The following CEP350 variants were observed in gnomAD, a reference collection of about 807,000 sequenced individuals.
CEP350 encodes centrosome-associated protein 350.
CEP350 carries 126 observed loss-of-function variants against 331.8 expected under a neutral mutation model. That is an observed-to-expected ratio of 0.38 (90% confidence interval 0.33 to 0.44). CEP350 has a LOEUF of 0.44. CEP350 is among the 20% of genes least tolerant of loss of function. The pLI, the probability that CEP350 is intolerant of heterozygous loss-of-function variation, is 1.00. For synonymous variants in CEP350, 1,200 were observed against 1,259.5 expected (o/e 0.95, Z 1.00); for missense variants, 3,406 against 3,634.6 (o/e 0.94, Z 1.62).
intron 11 of CEP350, among the ~76,000 whole-genome samples, chr1:180,017,821 A>G (rs754415598): frequency 3.9e-5 from 6 of 152,180 alleles, no homozygotes; most frequent in African/African-American, 4.8e-5. Flanking sequence ...TTCATATCTC[A>G]CCTTGAAAAC....
chr1:180,015,947 A>G lies in CEP350; in HGVS notation c.2151A>G (p.Ser717=), dbSNP rs1215970870. The change falls in exon 11 of 38, where the codon TCA becomes TCG. Residue 717 remains serine (S), a synonymous_variant. Coordinates refer to ENST00000367607, the MANE Select transcript of CEP350 (RefSeq NM_014810.5). ...CTTCCAGTAGTGACATGTCTCTCTCAGAACCTCCACAGCCTCTTGCAAGGT... is the reference window on the plus strand; with the variant it reads ...CTTCCAGTAGTGACATGTCTCTCTCGGAACCTCCACAGCCTCTTGCAAGGT... ...SASSSSDMSL[S]EPPQPLARKD... 1 of 1,613,904 alleles carries G rather than the reference A, an allele frequency of 6.2e-7. No homozygotes were observed. Among genetic ancestry groups the G allele is most frequent in the Admixed American group, 1.7e-5 (1 of 60,020 alleles).
intron 34 of CEP350, chr1:180,095,307 A>C (rs1412554439): frequency 2.2e-6 from 1 of 449,656 alleles, no homozygotes; most frequent in African/African-American, 2.0e-5. Context: ...ATTTTATAAA[A>C]ATTCAGTTAT....
rs1483349488 is a variant in CEP350 at position 180,015,951 on chromosome 1, C to T, written c.2155C>T (p.Pro719Ser). Residue 719 changes from proline to serine, a missense_variant, in exon 11 of 38, where the codon CCT becomes TCT. Around this residue, in one of 5 missense-constraint regions of CEP350, gnomAD observed 1,857 missense variants for 1,909.2 expected, o/e 0.97. Transcript: ENST00000367607. The stretch of plus-strand genomic sequence containing the variant: ...CAGTAGTGACATGTCTCTCTCAGAA[C>T]CTCCACAGCCTCTTGCAAGGTAAAA... ...SSSSDMSLSE[P>S]PQPLARKDLM... 1.9e-6 allele frequency: 3 copies of T among 1,613,670 alleles called. No homozygotes were observed. Among genetic ancestry groups the T allele is most frequent in the Non-Finnish European group, 8.5e-7 (1 of 1,179,758 alleles).
intron 10 of CEP350, 32 bp downstream of exon 10, chr1:180,014,537 A>G: frequency 6.5e-7 from 1 of 1,531,434 alleles, no homozygotes; most frequent in East Asian, 2.3e-5. Flanking sequence ...AAGGAGAGTC[A>G]TTCATGGTTA....
chr1:180,093,058 C>T lies in CEP350; in HGVS notation c.6953C>T (p.Ala2318Val). ...ENVQKDLVGL[A>V]IENLHKSEEM... ...GTTCAGAAAGACCTAGTTGGATTAG[C>T]TATTGAAAATCTCCATAAAAGTGAG... is the stretch of plus-strand genomic sequence containing the variant. The change falls in exon 34 of 38, where the codon GCT (alanine) becomes GTT (valine). Residue 2318 changes from alanine to valine, a missense_variant. Transcript: ENST00000367607. The T allele has an allele frequency of 6.2e-7, 1 of 1,606,034 alleles. No homozygotes were observed. Among genetic ancestry groups the T allele is most frequent in the Non-Finnish European group, 8.5e-7 (1 of 1,175,686 alleles).
chr1:179,996,528 C>G, intron 5 of CEP350, 25 bp from the exon 6 acceptor site: 1 of 1,486,610 alleles, frequency 6.7e-7, no homozygotes, highest in Non-Finnish European at 9.1e-7. Context: ...ATCATAGTCA[C>G]AGAGCTTATT....
chr1:180,024,371 G>A (rs1373289715), intron 13 of CEP350, 48 bp from the exon 14 acceptor site: 1 of 1,524,030 alleles, frequency 6.6e-7, no homozygotes, highest in Non-Finnish European at 8.9e-7. Context: ...ATTTAGCTGT[G>A]TTGTAAGACT....
At chr1:180,037,459 C>T (rs1435769174) in intron 17 of CEP350, among the ~76,000 whole-genome samples, 2 of 140,494 alleles carry the variant, frequency 1.4e-5, no homozygotes, top group Admixed American at 7.2e-5. Context: ...AGAGAAGTTT[C>T]TGAGATCCGG....
chr1:180,027,914 TC>T (rs1436294074), intron 14 of CEP350, among the ~76,000 whole-genome samples: 2 of 152,174 alleles, frequency 1.3e-5, no homozygotes, highest in East Asian at 3.8e-4. Flanking sequence ...AAATAGCCTT[TC>T]AGAAAGTTAG....
At chr1:180,025,664 C>G (rs551278067) in intron 14 of CEP350, among the ~76,000 whole-genome samples, 107 of 152,212 alleles carry the variant, frequency 7.0e-4, no homozygotes, top group African/African-American at 2.5e-3. Context: ...AACCAAACAC[C>G]GCGTGTTCTC....
rs764425812 is a variant in CEP350, at chr1:180,006,489, A to G, written c.1168A>G (p.Ser390Gly). Residue 390 changes from serine to glycine, a missense_variant, in exon 8 of 38, where the codon AGT becomes GGT. Around this residue, in one of 5 missense-constraint regions of CEP350, gnomAD observed 1,857 missense variants for 1,909.2 expected, o/e 0.97. Transcript: ENST00000367607. ...ISIKEKPAEK[S>G]KEKKVVKPVR... ...TATAAAGGAGAAACCTGCTGAAAAA[A>G]GTAAAGAGAAGAAAGTAGTCAAGCC... is the stretch of plus-strand genomic sequence containing the variant. 1.3e-5 allele frequency: 20 copies of G among 1,547,674 alleles called. No individual in the cohort carries two copies. Among genetic ancestry groups the G allele is most frequent in the South Asian group, 3.6e-5 (3 of 84,046 alleles).
intron 37 of CEP350, among the ~76,000 whole-genome samples, chr1:180,103,263 A>G (rs1192332653): frequency 1.3e-5 from 2 of 152,316 alleles, no homozygotes; most frequent in South Asian, 2.1e-4. Context: ...TGGAGCTGCC[A>G]TTTTGAACAG....
chr1:180,059,680 C>A (rs983641766), intron 25 of CEP350, among the ~76,000 whole-genome samples: 1 of 150,938 alleles, frequency 6.6e-6, no homozygotes, highest in Non-Finnish European at 1.5e-5. Flanking sequence ...TTCAAGGCAA[C>A]CTGTGCTAAT....
At chr1:179,999,471 G>T (rs1653714334) in intron 6 of CEP350, among the ~76,000 whole-genome samples, 1 of 152,040 alleles carries the variant, frequency 6.6e-6, no homozygotes. Flanking sequence ...GTCCTAAGCA[G>T]TGGATTTTTT....
At chr1:180,047,557 G>A (rs1463855232) in intron 21 of CEP350, among the ~76,000 whole-genome samples, 2 of 151,816 alleles carry the variant, frequency 1.3e-5, no homozygotes, top group African/African-American at 2.4e-5. Context: ...AGGAGTTCAA[G>A]ATCAGCCTGG....
In CEP350 at chr1:180,093,798, C is replaced by G; in HGVS notation, c.7693C>G (p.His2565Asp). The G allele has an allele frequency of 6.2e-7, 1 of 1,613,846 alleles. No homozygotes were observed. The highest frequency in any genetic ancestry group is 8.5e-7 in the Non-Finnish European group (1 of 1,179,832). The change falls in exon 34 of 38, where the codon CAC becomes GAC. Residue 2565 changes from histidine (H) to aspartate (D), a missense_variant. Around this residue, in one of 5 missense-constraint regions of CEP350, gnomAD observed 1,415 missense variants for 1,512.3 expected, o/e 0.94. Coordinates refer to ENST00000367607, the MANE Select transcript of CEP350 (RefSeq NM_014810.5). ...TTTTGCTCCTCCTCAAAAAATATCTCACATTCCAGAAAACTTTGATGACTA... is the reference window on the plus strand; with the variant it reads ...TTTTGCTCCTCCTCAAAAAATATCTGACATTCCAGAAAACTTTGATGACTA... Reference protein sequence around the residue: ...GIFAPPQKISHIPENFDDYVD... With the variant: ...GIFAPPQKISDIPENFDDYVD...
Position 180,020,491 on chromosome 1 carries a change from T to C in CEP350, c.2717T>C (p.Phe906Ser). ...MLGSCVSHAT[F>S]DDDLPGVGNL... ...GGAAGCTGTGTATCTCATGCAACTTTTGATGATGATCTTCCTGGTGTAGGC... is the reference window on the plus strand; with the variant it reads ...GGAAGCTGTGTATCTCATGCAACTTCTGATGATGATCTTCCTGGTGTAGGC... The change falls in exon 12 of 38, where the codon TTT becomes TCT. Residue 906 changes from phenylalanine to serine, a missense_variant. Coordinates refer to ENST00000367607, the MANE Select transcript of CEP350 (RefSeq NM_014810.5). 6 of 1,614,008 alleles carry C rather than the reference T, an allele frequency of 3.7e-6. No individual in the cohort carries two copies. Among genetic ancestry groups the C allele is most frequent in the Non-Finnish European group, 4.2e-6 (5 of 1,179,904 alleles).
chr1:180,016,202 T>C (rs1374494335), intron 11 of CEP350, among the ~76,000 whole-genome samples: 1 of 152,244 alleles, frequency 6.6e-6, no homozygotes, highest in Non-Finnish European at 1.5e-5. Flanking sequence ...TCTTTTACAG[T>C]TGGAAGCACT....
At chr1:179,974,358 G>A (rs915220509) in intron 1 of CEP350, among the ~76,000 whole-genome samples, 17 of 152,174 alleles carry the variant, frequency 1.1e-4, no homozygotes, top group African/African-American at 3.9e-4. Flanking sequence ...GGGATTACAG[G>A]CGTGAGCCAC....
Sources: gnomAD v4.1 joint callset for allele counts (sites outside exome capture counted in the v4.1 genomes callset) on GRCh38, gnomAD v4.1.1 for gene constraint, gnomAD v4.1.1 regional missense constraint, MANE v1.5 for transcripts, NCBI Gene and HGNC (gene_info 2026-07-23, HGNC 2026-07-21) for gene names.